The following CARD19 variants were observed in gnomAD, a reference collection of about 807,000 sequenced individuals.
The protein encoded by CARD19 is caspase recruitment domain family member 19, also known as caspase recruitment domain-containing protein 19.
In CARD19, 25 loss-of-function variants were observed where a neutral mutation model predicts 24.1. The ratio of observed to expected loss-of-function variants is 1.04; its 90% confidence interval spans 0.76 to 1.45. The LOEUF (loss-of-function observed/expected upper bound fraction) is 1.45, where lower values mean the gene tolerates loss of function less well. CARD19 is among the 40% of genes most tolerant of loss of function. The pLI, the probability that CARD19 is intolerant of heterozygous loss-of-function variation, is 0.00. For synonymous variants in CARD19, 103 were observed against 104.9 expected (o/e 0.98, Z 0.11); for missense variants, 241 against 247.4 (o/e 0.97, Z 0.17).
chr9:93,112,421 G>A (rs905050973), intron 5 of CARD19, 132 bp downstream of exon 5: 3 of 726,750 alleles, frequency 4.1e-6, no homozygotes, highest in African/African-American at 1.7e-5. Flanking sequence ...GCAGTGGGAT[G>A]GTGTCACCTC....
chr9:93,102,961 T>G (rs763555617), intron 1 of CARD19, among the ~76,000 whole-genome samples: 2 of 152,224 alleles, frequency 1.3e-5, no homozygotes, highest in Non-Finnish European at 2.9e-5. Flanking sequence ...AATATTTTTG[T>G]GTGTTGATTT....
At chr9:93,100,326 T>A (rs1176056405) in intron 1 of CARD19, among the ~76,000 whole-genome samples, 1 of 152,238 alleles carries the variant, frequency 6.6e-6, no homozygotes, top group Non-Finnish European at 1.5e-5. Context: ...TTTGGTTTTT[T>A]CTTTGAGACA....
chr9:93,105,629 A>G (rs574343958), intron 1 of CARD19, among the ~76,000 whole-genome samples: 17 of 152,136 alleles, frequency 1.1e-4, no homozygotes, highest in African/African-American at 3.9e-4. Context: ...TTAGTTTTCT[A>G]TTATTGATTT....
intron 1 of CARD19, among the ~76,000 whole-genome samples, chr9:93,098,794 C>T (rs1158952017): frequency 1.3e-5 from 2 of 152,122 alleles, no homozygotes; most frequent in African/African-American, 4.8e-5. Context: ...AGCGGAGGCT[C>T]TGCCTGGTTA....
chr9:93,110,923 TG>T (rs1443252787), intron 3 of CARD19: 2 of 1,532,348 alleles, frequency 1.3e-6, no homozygotes, highest in South Asian at 1.2e-5. Flanking sequence ...GCAGTGCAGA[TG>T]TTGGTCTCTG....
At position 93,100,061 on chromosome 9, in the gene CARD19, G is replaced by C. The variant is rs144748244; in HGVS notation, c.7+3709G>C. ...GCCCATCACCGTGGTCCCCAGCCCC[G>C]CACAGGGCGAGCGTACTGAGACGGG... On this transcript the variant is annotated intron_variant, in intron 1 of 5. Transcript: ENST00000375464. 1.6e-3 allele frequency among the ~76,000 whole-genome samples: 241 copies of C among 152,338 alleles called. 1 individual carries two copies. The highest frequency in any genetic ancestry group is 5.6e-3 in the African/African-American group (233 of 41,576).
At chr9:93,112,325 C>G in intron 5 of CARD19, 36 bp downstream of exon 5, 1 of 1,528,012 alleles carries the variant, frequency 6.5e-7, no homozygotes, top group Non-Finnish European at 8.8e-7. Flanking sequence ...GCTGGGCCTG[C>G]CTCCCCTCTG....
intron 1 of CARD19, among the ~76,000 whole-genome samples, chr9:93,106,580 A>AAC (rs1272498411): frequency 3.6e-4 from 54 of 150,928 alleles, no homozygotes; most frequent in East Asian, 1.2e-3. Flanking sequence ...AAAAAAACAA[A>AAC]AAAAAAAAAA....
chr9:93,108,541 AG>A (rs1225297075), intron 2 of CARD19, among the ~76,000 whole-genome samples: 8 of 151,664 alleles, frequency 5.3e-5, no homozygotes, highest in Non-Finnish European at 1.2e-4. Flanking sequence ...GGACTGACTG[AG>A]CTGAGCCGGG....
At chr9:93,105,529 C>A (rs1470855597) in intron 1 of CARD19, among the ~76,000 whole-genome samples, 2 of 152,162 alleles carry the variant, frequency 1.3e-5, no homozygotes, top group Non-Finnish European at 2.9e-5. Context: ...GATCTGCCTG[C>A]CTTAGCTTCC....
At position 93,096,798 on chromosome 9, in the gene CARD19, A is replaced by G. The variant is rs1354270672; in HGVS notation, c.7+446A>G. On this transcript the variant is annotated intron_variant, in intron 1 of 5. Transcript: ENST00000375464. The surrounding 1 kb of genome is among the most constrained non-coding windows in gnomAD (Gnocchi z 5.4). ...ATTCTGGCCACGGAAACAACGCTCC[A>G]TCCTTACAACCACCCCAGCGAGGTC... Among the ~76,000 whole-genome samples the G allele has an allele frequency of 6.6e-6, 1 of 152,172 alleles. No individual in the cohort carries two copies. Among genetic ancestry groups the G allele is most frequent in the Non-Finnish European group, 1.5e-5 (1 of 68,026 alleles).
rs149404068 is a variant in CARD19, at chr9:93,101,479, G to A, written c.7+5127G>A. 8.9e-3 allele frequency among the ~76,000 whole-genome samples: 1,335 copies of A among 149,802 alleles called. 15 individuals are homozygous for A. Among genetic ancestry groups the A allele is most frequent in the African/African-American group, 0.031 (1,273 of 40,418 alleles). On this transcript the variant is annotated intron_variant, in intron 1 of 5. Transcript: ENST00000375464. ...TTTTTTGAGACGGAGTCTCACTGTC[G>A]CCCAGGCTGGAGTGCAGTGGCATGA...
At chr9:93,112,152 C>T in intron 4 of CARD19, 66 bp from the exon 5 acceptor site, 1 of 1,490,868 alleles carries the variant, frequency 6.7e-7, no homozygotes, top group South Asian at 1.2e-5. Flanking sequence ...CTGCGCAGCC[C>T]CCAGGCCTCA....
At chr9:93,111,492 C>G (rs1355331755) in intron 3 of CARD19, 1 of 1,100,788 alleles carries the variant, frequency 9.1e-7, no homozygotes, top group Non-Finnish European at 1.1e-6. Flanking sequence ...CTGGAGGCCT[C>G]CCCACGCCTC....
intron 1 of CARD19, among the ~76,000 whole-genome samples, chr9:93,097,272 G>A (rs1826910798): frequency 6.6e-6 from 1 of 151,200 alleles, no homozygotes; most frequent in South Asian, 2.1e-4. Flanking sequence ...GCTCTCTTGA[G>A]TCTCAGCCTA....
At chr9:93,112,829 A>G (rs1205212114) in intron 5 of CARD19, among the ~76,000 whole-genome samples, 163 bp from the exon 6 acceptor site, 2 of 152,174 alleles carry the variant, frequency 1.3e-5, no homozygotes, top group Non-Finnish European at 2.9e-5. Context: ...GGGCTCTGGA[A>G]TCTGCCCTAA....
intron 1 of CARD19, among the ~76,000 whole-genome samples, chr9:93,099,400 A>G (rs969098590): frequency 3.9e-5 from 6 of 152,138 alleles, no homozygotes; most frequent in Non-Finnish European, 7.4e-5. Flanking sequence ...GGTCCTCAAC[A>G]TGGCTGTGCC....
intron 3 of CARD19, 54 bp downstream of exon 3, chr9:93,110,775 C>T: frequency 1.3e-6 from 2 of 1,564,610 alleles, no homozygotes; most frequent in Non-Finnish European, 1.7e-6. Context: ...GGGAGGGCAC[C>T]CCAGCCTGCC....
chr9:93,110,962 C>T, intron 3 of CARD19: 1 of 1,522,228 alleles, frequency 6.6e-7, no homozygotes, highest in Non-Finnish European at 8.8e-7. Context: ...CTTCCTCCGT[C>T]TCTCTCTCAT....
Sources: allele counts gnomAD v4.1 joint callset (sites outside exome capture counted in the v4.1 genomes callset), GRCh38; gene constraint gnomAD v4.1.1; non-coding constraint Gnocchi (gnomAD v3.1); transcripts MANE v1.5; gene names NCBI Gene and HGNC (gene_info 2026-07-23, HGNC 2026-07-21).